IL1R1: variants seen among roughly 807,000 people sequenced by gnomAD.
The protein encoded by IL1R1 is interleukin-1 receptor type 1.
Under a neutral mutation model 50.2 loss-of-function variants are expected in IL1R1, and 22 were observed. That is an observed-to-expected ratio of 0.44 (90% CI 0.31 to 0.63). The LOEUF is 0.63. IL1R1 is among the 20% of genes least tolerant of loss of function. IL1R1 has a pLI of 0.07. For missense variants in IL1R1, 509 were observed against 676.2 expected (o/e 0.75, Z 2.74); for synonymous variants, 251 against 236.7 (o/e 1.06, Z -0.55).
chr2:102,086,043 G>T (rs1249563708), intron 1 of IL1R1, among the ~76,000 whole-genome samples: 1 of 152,106 alleles, frequency 6.6e-6, no homozygotes, highest in Non-Finnish European at 1.5e-5. Context: ...TTTATGACTT[G>T]TTCGTTGATA....
At chr2:102,168,697 G>GT (rs753719795) in intron 7 of IL1R1, 34 bp downstream of exon 7, 14,924 of 1,166,894 alleles carry the variant, frequency 0.013, 33 homozygotes, top group East Asian at 0.04. Flanking sequence ...TGCTGGAATC[G>GT]GTTTTTTTTT....
chr2:102,167,240 A>G (rs1348590020), intron 6 of IL1R1, among the ~76,000 whole-genome samples: 1 of 152,152 alleles, frequency 6.6e-6, no homozygotes, highest in African/African-American at 2.4e-5. Flanking sequence ...TTTATTAAAT[A>G]AAAGTTAATT....
intron 1 of IL1R1, among the ~76,000 whole-genome samples, chr2:102,107,532 AC>A: frequency 6.6e-6 from 1 of 152,112 alleles, no homozygotes; most frequent in Non-Finnish European, 1.5e-5. Flanking sequence ...TAGGAGACAT[AC>A]CTAATGTAAA....
rs140482561 is a variant in IL1R1 at position 102,076,459 on chromosome 2, T to C, written c.-84+5926T>C. 0.012 allele frequency among the ~76,000 whole-genome samples: 1,831 copies of C among 152,330 alleles called. 56 individuals are homozygous for C. In the South Asian group the frequency reaches 0.13, roughly 11 times the overall value. ...TCCATTTGGTATAATTTTCTTTTTATCTGGAGGGCTTCCTTCAACATTTCT... is the reference window on the plus strand; with the variant it reads ...TCCATTTGGTATAATTTTCTTTTTACCTGGAGGGCTTCCTTCAACATTTCT... On this transcript the variant is annotated intron_variant, in intron 1 of 11. Coordinates refer to the IL1R1 transcript ENST00000409929.
At chr2:102,120,221 G>T (rs999200466) in intron 1 of IL1R1, among the ~76,000 whole-genome samples, 4 of 152,120 alleles carry the variant, frequency 2.6e-5, no homozygotes, top group African/African-American at 9.7e-5. Flanking sequence ...GAGTGTGTGG[G>T]TGTTCATGTG....
intron 1 of IL1R1, among the ~76,000 whole-genome samples, chr2:102,136,672 G>T (rs1008416161): frequency 6.6e-6 from 1 of 152,090 alleles, no homozygotes; most frequent in Non-Finnish European, 1.5e-5. Context: ...CACCGTGCCC[G>T]GCTGGATAAC....
rs1686432684 is a variant in IL1R1 at position 102,179,803 on chromosome 2, A to G, written c.*3044A>G. 1 of 152,796 alleles carries G rather than the reference A, an allele frequency of 6.5e-6. No individual in the cohort carries two copies. The highest frequency in any genetic ancestry group is 2.1e-4 in the South Asian group (1 of 4,828). The allele number at this position is 152,796 out of a possible 1,614,324, so 9.5% of individuals were successfully genotyped here. On this transcript the variant is annotated 3_prime_UTR_variant, in exon 12 of 12. Transcript: ENST00000410023. ...TTTTGTATATTAAAGCACCAAATTC[A>G]TGTACAGCATGCATCACGGATCAAT...
intron 1 of IL1R1, among the ~76,000 whole-genome samples, chr2:102,117,874 A>G (rs1681174429): frequency 6.6e-6 from 1 of 152,144 alleles, no homozygotes; most frequent in Admixed American, 6.5e-5. Flanking sequence ...TTTTCCGTCA[A>G]AATCAGTCCT....
chr2:102,130,872 A>G (rs971066643), intron 1 of IL1R1, among the ~76,000 whole-genome samples: 2 of 152,146 alleles, frequency 1.3e-5, no homozygotes, highest in African/African-American at 2.4e-5. Context: ...CAAAATATGC[A>G]AAACCAGGGT....
chr2:102,111,624 G>A (rs1428297879), intron 1 of IL1R1, among the ~76,000 whole-genome samples: 1 of 152,170 alleles, frequency 6.6e-6, no homozygotes, highest in Non-Finnish European at 1.5e-5. Context: ...AAAATTCAGA[G>A]CAGCTTACAG....
At chr2:102,167,532 C>G (rs1685297316) in intron 6 of IL1R1, among the ~76,000 whole-genome samples, 1 of 142,652 alleles carries the variant, frequency 7.0e-6, no homozygotes, top group Non-Finnish European at 1.5e-5. Flanking sequence ...ACTGCAAGCT[C>G]TGCCTCCCGG....
rs146937731 is a variant in IL1R1, at chr2:102,176,439, C to T, written c.1390C>T (p.Leu464=). The T allele has an allele frequency of 1.6e-4, 258 of 1,614,136 alleles. No homozygotes were observed. Among genetic ancestry groups the T allele is most frequent in the Admixed American group, 1.2e-3 (73 of 60,026 alleles). ...LVRETSGFSW[L]GGSSEEQIAM... is the part of the protein sequence containing the mutation. ...CAGAGAAACATCAGGCTTCAGCTGG[C>T]TGGGTGGTTCATCTGAAGAGCAAAT... The change falls in exon 12 of 12, where the codon CTG becomes TTG. Residue 464 remains leucine (L), a synonymous_variant. Coordinates refer to ENST00000410023, the MANE Select transcript of IL1R1 (RefSeq NM_000877.4).
chr2:102,141,521 A>G (rs1329098681), upstream of IL1R1, among the ~76,000 whole-genome samples: 3 of 152,214 alleles, frequency 2.0e-5, no homozygotes, highest in African/African-American at 7.2e-5. Context: ...AAGAATGAGA[A>G]ATTGTCATCA....
Position 102,174,592 on chromosome 2 carries a change from A to G in IL1R1, c.997A>G (p.Asn333Asp). 2.6e-6 allele frequency: 4 copies of G among 1,564,696 alleles called. No homozygotes were observed. The highest frequency in any genetic ancestry group is 3.4e-6 in the Non-Finnish European group (4 of 1,161,086). The change falls in exon 10 of 12, where the codon AAT becomes GAT. Residue 333 changes from asparagine (N) to aspartate (D), a missense_variant. Coordinates refer to ENST00000410023, the MANE Select transcript of IL1R1 (RefSeq NM_000877.4). ...AYIQLIYPVT[N>D]FQKHMIGICV... is the part of the protein sequence containing the mutation. ...TTTTTTTCTTTTTGCTATAGTCACT[A>G]ATTTCCAGAAGCACATGATTGGTAT... is the stretch of plus-strand genomic sequence containing the variant.
chr2:102,112,042 A>G (rs1416489734), intron 1 of IL1R1, among the ~76,000 whole-genome samples: 2 of 152,012 alleles, frequency 1.3e-5, no homozygotes, highest in Non-Finnish European at 2.9e-5. Context: ...GAGTGTCTCT[A>G]TTATGCATCG....
At chr2:102,146,922 T>C (rs1683181359) in intron 1 of IL1R1, among the ~76,000 whole-genome samples, 1 of 152,166 alleles carries the variant, frequency 6.6e-6, no homozygotes, top group Admixed American at 6.5e-5. Context: ...TCAAGGGCCA[T>C]ACCCACTCCA....
At chr2:102,142,632 A>G (rs536630123), upstream of IL1R1, among the ~76,000 whole-genome samples, 1 of 151,430 alleles carries the variant, frequency 6.6e-6, no homozygotes, top group South Asian at 2.1e-4. Flanking sequence ...CTCCGGGTGG[A>G]GAGTTGGGAC....
chr2:102,109,869 G>T (rs1019927760), intron 1 of IL1R1, among the ~76,000 whole-genome samples: 1 of 152,198 alleles, frequency 6.6e-6, no homozygotes, highest in Non-Finnish European at 1.5e-5. Flanking sequence ...GGGGGCCAAG[G>T]GCGGCTTCGT....
intron 1 of IL1R1, among the ~76,000 whole-genome samples, chr2:102,092,183 T>G (rs1350245120): frequency 6.6e-6 from 1 of 152,132 alleles, no homozygotes; most frequent in Non-Finnish European, 1.5e-5. Context: ...GCTTTGCTGC[T>G]TTCTCTTTTT....
Sources: allele counts gnomAD v4.1 joint callset (sites outside exome capture counted in the v4.1 genomes callset), GRCh38; gene constraint gnomAD v4.1.1; transcripts MANE v1.5; gene names NCBI Gene and HGNC (gene_info 2026-07-23, HGNC 2026-07-21).